Variants in GREM1 observed in about 807,000 individuals in gnomAD.
The protein encoded by GREM1 is gremlin 1, DAN family BMP antagonist.
In GREM1, 6 loss-of-function variants were observed where a neutral mutation model predicts 13.1. That is an observed-to-expected ratio of 0.46 (90% confidence interval 0.25 to 0.91). The LOEUF (loss-of-function observed/expected upper bound fraction) is 0.91, where lower values mean the gene tolerates loss of function less well. GREM1 is among the 40% of genes least tolerant of loss of function. The pLI, the probability that GREM1 is intolerant of heterozygous loss-of-function variation, is 0.18. For synonymous variants in GREM1, 98 were observed against 93.7 expected (o/e 1.05, Z -0.27); for missense variants, 185 against 233.9 (o/e 0.79, Z 1.36).
rs940701416 is a variant in GREM1, at chr15:32,732,574, G to A, written c.*1329G>A. On this transcript the variant is annotated 3_prime_UTR_variant, in exon 2 of 2. Coordinates refer to ENST00000651154, the MANE Select transcript of GREM1 (RefSeq NM_013372.7). The stretch of plus-strand genomic sequence containing the variant: ...GTTAATACCTGGTAGAGATGTAAGG[G>A]ATATGACCTCCCTTTCTTTATGTGC... The A allele has an allele frequency of 4.1e-6, 1 of 246,082 alleles. No homozygotes were observed. The highest frequency in any genetic ancestry group is 5.6e-5 in the Admixed American group (1 of 17,726). 15.2% of individuals were successfully genotyped at this position (246,082 alleles called of 1,614,324 possible). A position where few individuals can be genotyped will look rare whatever the true frequency, so the allele number is the denominator to read the frequency against.
intron 1 of GREM1, among the ~76,000 whole-genome samples, chr15:32,726,931 G>A (rs567291708): frequency 1.3e-5 from 2 of 152,046 alleles, no homozygotes; most frequent in East Asian, 1.9e-4. Context: ...ATTCCTGAAC[G>A]CATACACCCT....
intron 1 of GREM1, chr15:32,718,381 G>C (rs1214404220): frequency 2.0e-6 from 1 of 496,008 alleles, no homozygotes; most frequent in East Asian, 4.8e-5. Flanking sequence ...GGAAACGTAG[G>C]AAAAAAAGTT....
In GREM1 at chr15:32,736,807, C is replaced by T. The variant is rs1341808168; in HGVS notation, c.*5562C>T. 1 of 152,210 alleles carries T rather than the reference C, an allele frequency of 6.6e-6. No homozygotes were observed. Among genetic ancestry groups the T allele is most frequent in the Non-Finnish European group, 1.5e-5 (1 of 68,044 alleles). 9.4% of individuals were successfully genotyped at this position (152,210 alleles called of 1,614,324 possible). A position where few individuals can be genotyped will look rare whatever the true frequency, so the allele number is the denominator to read the frequency against. ...CATGGCCCTGCCTGCATGTGGGAAT[C>T]CTCATCCAAGTCATACTTTCTAAAC... On this transcript the variant is annotated 3_prime_UTR_variant, in exon 2 of 2. Coordinates refer to ENST00000651154, the MANE Select transcript of GREM1 (RefSeq NM_013372.7).
At position 32,732,598 on chromosome 15, in the gene GREM1, G is replaced by C. The variant is rs1050247464; in HGVS notation, c.*1353G>C. 1.2e-5 allele frequency: 3 copies of C among 245,334 alleles called. No individual in the cohort carries two copies. Among genetic ancestry groups the C allele is most frequent in the Admixed American group, 5.6e-5 (1 of 17,718 alleles). 15.2% of individuals were successfully genotyped at this position (245,334 alleles called of 1,614,324 possible). A position where few individuals can be genotyped will look rare whatever the true frequency, so the allele number is the denominator to read the frequency against. On this transcript the variant is annotated 3_prime_UTR_variant, in exon 2 of 2. Transcript: ENST00000651154. ...GGATATGACCTCCCTTTCTTTATGT[G>C]CTCACTGAGGATCTGAGGGGACCCT...
In GREM1 at chr15:32,731,524, C is replaced by G. The variant is rs2055619217; in HGVS notation, c.*279C>G. ...GGGATGTACCAGAAACCCACCTCAC[C>G]CCGGCTCACATCTAAAGGGGCGGGG... On this transcript the variant is annotated 3_prime_UTR_variant, in exon 2 of 2. Coordinates refer to ENST00000651154, the MANE Select transcript of GREM1 (RefSeq NM_013372.7). 2.1e-6 allele frequency: 1 copy of G among 481,638 alleles called. No individual in the cohort carries two copies. The highest frequency in any genetic ancestry group is 1.9e-5 in the African/African-American group (1 of 51,300). 29.8% of individuals were successfully genotyped at this position (481,638 alleles called of 1,614,324 possible).
At position 32,739,208 on chromosome 15, in the gene GREM1, C is replaced by G. The variant is rs138980923; in HGVS notation, c.*7963C>G. 1 of 152,200 alleles carries G rather than the reference C, an allele frequency of 6.6e-6. No individual in the cohort carries two copies. The highest frequency in any genetic ancestry group is 6.5e-5 in the Admixed American group (1 of 15,274). The allele number at this position is 152,200 out of a possible 1,614,324, so 9.4% of individuals were successfully genotyped here. On this transcript the variant is annotated 3_prime_UTR_variant, in exon 2 of 2. Coordinates refer to ENST00000651154, the MANE Select transcript of GREM1 (RefSeq NM_013372.7). ...TGAAAGAATTGTTGTAAGGCAAATA[C>G]CCCTGTAATTACCATTAGGGGAAGA...
Position 32,731,047 on chromosome 15 carries a change from C to T in GREM1, c.357C>T (p.Tyr119=), listed in dbSNP as rs34096580. ...GCACCATCATCAACCGCTTCTGTTACGGCCAGTGCAACTCTTTCTACATCC... is the reference window on the plus strand; with the variant it reads ...GCACCATCATCAACCGCTTCTGTTATGGCCAGTGCAACTCTTTCTACATCC... ...NSRTIINRFC[Y]GQCNSFYIPR... The change falls in exon 2 of 2, where the codon TAC becomes TAT. Residue 119 remains tyrosine, a synonymous_variant. Transcript: ENST00000651154. 1.6e-5 allele frequency: 26 copies of T among 1,614,072 alleles called. No individual in the cohort carries two copies. The highest frequency in any genetic ancestry group is 2.0e-5 in the Non-Finnish European group (24 of 1,180,018).
rs1323422747 is a variant in GREM1 at position 32,735,249 on chromosome 15, A to G, written c.*4004A>G. On this transcript the variant is annotated 3_prime_UTR_variant, in exon 2 of 2. Transcript: ENST00000651154. ...AGATATATAATACAAGATTTCTATT[A>G]GGTATGGGTGCTCTGATGATAATGA... 6.6e-6 allele frequency: 1 copy of G among 152,190 alleles called. No individual in the cohort carries two copies. Among genetic ancestry groups the G allele is most frequent in the Non-Finnish European group, 1.5e-5 (1 of 68,036 alleles). The allele number at this position is 152,190 out of a possible 1,614,324, so 9.4% of individuals were successfully genotyped here.
chr15:32,722,379 G>A (rs2055422356), intron 1 of GREM1, among the ~76,000 whole-genome samples: 1 of 152,176 alleles, frequency 6.6e-6, no homozygotes, highest in Admixed American at 6.5e-5. Context: ...AGAAGTCCAT[G>A]CACAGACATT....
At chr15:32,729,710 C>T (rs58202116) in intron 1 of GREM1, among the ~76,000 whole-genome samples, 1 of 152,164 alleles carries the variant, frequency 6.6e-6, no homozygotes, top group East Asian at 1.9e-4. Context: ...TTCAGCATGC[C>T]CATGCCATTT....
At position 32,733,114 on chromosome 15, in the gene GREM1, A is replaced by G. The variant is rs2055648912; in HGVS notation, c.*1869A>G. On this transcript the variant is annotated 3_prime_UTR_variant, in exon 2 of 2. Transcript: ENST00000651154. ...CCCAAAATGTTGGGTCTGATTTTCAAACTTTTAAACTCACTACTGATGATT... is the reference window on the plus strand; with the variant it reads ...CCCAAAATGTTGGGTCTGATTTTCAGACTTTTAAACTCACTACTGATGATT... 3 of 231,856 alleles carry G rather than the reference A, an allele frequency of 1.3e-5. No individual in the cohort carries two copies. The highest frequency in any genetic ancestry group is 2.8e-5 in the Non-Finnish European group (3 of 108,040). The allele number at this position is 231,856 out of a possible 1,614,324, so 14.4% of individuals were successfully genotyped here.
intron 1 of GREM1, among the ~76,000 whole-genome samples, chr15:32,723,585 A>G (rs1350144988): frequency 2.0e-5 from 3 of 151,216 alleles, no homozygotes; most frequent in Admixed American, 6.6e-5. Context: ...TTCACTTTCC[A>G]TAGCTAATAA....
Position 32,721,569 on chromosome 15 carries a change from G to C in GREM1, c.-2+3408G>C, listed in dbSNP as rs4779586. On this transcript the variant is annotated intron_variant, in intron 1 of 1. Coordinates refer to ENST00000651154, the MANE Select transcript of GREM1 (RefSeq NM_013372.7). ...AGGAGTTTGAGACCAGCCTGGCCAA[G>C]ACACTGAAATCCCGTCTCTACTAAA... Among the ~76,000 whole-genome samples the C allele has an allele frequency of 0.36, 54,048 of 151,806 alleles. 9,968 individuals carry two copies. Among genetic ancestry groups the C allele is most frequent in the East Asian group, 0.49 (2,506 of 5,124 alleles).
rs2055693066 is a variant in GREM1 at position 32,736,016 on chromosome 15, C to G, written c.*4771C>G. 1.3e-5 allele frequency: 2 copies of G among 152,232 alleles called. No homozygotes were observed. The highest frequency in any genetic ancestry group is 1.3e-4 in the Admixed American group (2 of 15,278). The allele number at this position is 152,232 out of a possible 1,614,324, so 9.4% of individuals were successfully genotyped here. On this transcript the variant is annotated 3_prime_UTR_variant, in exon 2 of 2. Transcript: ENST00000651154. ...TTGCACTACTCTCATCTCCCCCTCT[C>G]CAGCTCCACAATAGCTTTGAAACCA...
chr15:32,733,852 C>T lies in GREM1; in HGVS notation c.*2607C>T, dbSNP rs959923532. On this transcript the variant is annotated 3_prime_UTR_variant, in exon 2 of 2. Coordinates refer to ENST00000651154, the MANE Select transcript of GREM1 (RefSeq NM_013372.7). ...TGTGCTTGGCATTAAAAGAAAAAAA[C>T]ACACATCCTGGAAGTCTGTAAGTTG... is the stretch of plus-strand genomic sequence containing the variant. The T allele has an allele frequency of 4.2e-6, 1 of 239,938 alleles. No homozygotes were observed. Among genetic ancestry groups the T allele is most frequent in the South Asian group, 1.8e-4 (1 of 5,458 alleles). 14.9% of individuals were successfully genotyped at this position (239,938 alleles called of 1,614,324 possible).
In GREM1 at chr15:32,718,103, G is replaced by C. The variant is rs1214953940; in HGVS notation, c.-60G>C. The C allele has an allele frequency of 2.6e-5, 33 of 1,258,660 alleles. No homozygotes were observed. In the South Asian group the frequency reaches 4.4e-4, roughly 17 times the overall value. The allele number at this position is 1,258,660 out of a possible 1,614,324, so 78.0% of individuals were successfully genotyped here. On this transcript the variant is annotated 5_prime_UTR_variant, in exon 1 of 2. Transcript: ENST00000651154. ...GCCGAGCCCCGGCGGCTCTGGCCGC[G>C]GCCGCACTCAGCGCCACGCGTCGAA...
In GREM1 at chr15:32,743,863, G is replaced by C. The variant is rs1163557369; in HGVS notation, c.*12618G>C. The C allele has an allele frequency of 6.6e-6, 1 of 152,050 alleles. No individual in the cohort carries two copies. Among genetic ancestry groups the C allele is most frequent in the African/African-American group, 2.4e-5 (1 of 41,398 alleles). The allele number at this position is 152,050 out of a possible 1,614,324, so 9.4% of individuals were successfully genotyped here. On this transcript the variant is annotated 3_prime_UTR_variant, in exon 2 of 2. Coordinates refer to ENST00000651154, the MANE Select transcript of GREM1 (RefSeq NM_013372.7). ...TCCTTGCAGAACAACCCTATTAGCA[G>C]TTCTGCAAGGATTTTTAGGAACCGT...
Position 32,731,096 on chromosome 15 carries a change from G to A in GREM1, c.406G>A (p.Gly136Ser). 6.2e-7 allele frequency: 1 copy of A among 1,614,216 alleles called. No homozygotes were observed. Among genetic ancestry groups the A allele is most frequent in the Non-Finnish European group, 8.5e-7 (1 of 1,180,026 alleles). ...YIPRHIRKEE[G>S]SFQSCSFCKP... ...CCCCAGGCACATCCGGAAGGAGGAA[G>A]GTTCCTTTCAGTCCTGCTCCTTCTG... Residue 136 changes from glycine (G) to serine (S), a missense_variant, in exon 2 of 2, where the codon GGT (glycine) becomes AGT (serine). Physicochemically the swap from Gly to Ser is moderately conservative, Grantham distance 56 (BLOSUM62 0). Transcript: ENST00000651154.
In GREM1 at chr15:32,718,023, G is replaced by A; in HGVS notation, c.-140G>A. On this transcript the variant is annotated 5_prime_UTR_variant, in exon 1 of 2. Transcript: ENST00000651154. ...CCTGGCACTCGGTGCGCCTTCCGCG[G>A]ACCGGGCGACCCAGTGCACGGCCGC... The A allele has an allele frequency of 9.2e-7, 1 of 1,081,562 alleles. No homozygotes were observed. The highest frequency in any genetic ancestry group is 1.1e-6 in the Non-Finnish European group (1 of 890,112). The allele number at this position is 1,081,562 out of a possible 1,614,324, so 67.0% of individuals were successfully genotyped here. A position where few individuals can be genotyped will look rare whatever the true frequency, so the allele number is the denominator to read the frequency against.
Sources: allele counts gnomAD v4.1 joint callset (sites outside exome capture counted in the v4.1 genomes callset), GRCh38; gene constraint gnomAD v4.1.1; transcripts MANE v1.5; gene names NCBI Gene and HGNC (gene_info 2026-07-23, HGNC 2026-07-21).